CFLAR: variants seen among roughly 807,000 people sequenced by gnomAD.
The protein encoded by CFLAR is CASP8 and FADD-like apoptosis regulator.
A neutral mutation model predicts 51.1 loss-of-function variants in CFLAR; 14 were observed. That is an observed-to-expected ratio of 0.27 (90% confidence interval 0.18 to 0.43). The LOEUF is 0.43. Among genes scored for constraint, CFLAR ranks in the 20% least tolerant of loss-of-function variants. The pLI is 1.00. For synonymous variants in CFLAR, 210 were observed against 211.6 expected (o/e 0.99, Z 0.06); for missense variants, 390 against 566.5 (o/e 0.69, Z 3.16).
chr2:201,145,533 T>C, intron 6 of CFLAR, 101 bp downstream of exon 6: 1 of 774,778 alleles, frequency 1.3e-6, no homozygotes, highest in Non-Finnish European at 2.2e-6. Context: ...ATCTACATAA[T>C]CTAAGTAAGC....
chr2:201,120,028 T>C (rs1037869446), intron 1 of CFLAR, among the ~76,000 whole-genome samples: 8 of 147,418 alleles, frequency 5.4e-5, no homozygotes, highest in South Asian at 2.1e-4. Context: ...CTTTTCTTTT[T>C]TTTTTTTTTT....
intron 2 of CFLAR, 41 bp downstream of exon 2, chr2:201,130,187 G>GGGGGGGGGA: frequency 1.6e-4 from 47 of 292,366 alleles, no homozygotes; most frequent in Non-Finnish European, 2.2e-4. Context: ...GGGTGGGAGG[G>GGGGGGGGGA]AGTGAAGTGT....
At chr2:201,125,711 G>C (rs1016593722) in intron 1 of CFLAR, among the ~76,000 whole-genome samples, 1 of 152,086 alleles carries the variant, frequency 6.6e-6, no homozygotes, top group Admixed American at 6.5e-5. Context: ...TGTGGGAAAG[G>C]AGCTGAACAG....
intron 8 of CFLAR, among the ~76,000 whole-genome samples, chr2:201,156,804 C>G: frequency 6.6e-6 from 1 of 150,728 alleles, no homozygotes; most frequent in Non-Finnish European, 1.5e-5. Context: ...GTGGGATTTC[C>G]AGGGTGGGTT....
intron 8 of CFLAR, among the ~76,000 whole-genome samples, chr2:201,158,913 T>C (rs1228447856): frequency 6.6e-6 from 1 of 151,200 alleles, no homozygotes; most frequent in Non-Finnish European, 1.5e-5. Context: ...AGTTCTGCTC[T>C]GTTGCCCAGG....
chr2:201,163,140 A>G, intron 9 of CFLAR: 1 of 785,998 alleles, frequency 1.3e-6, no homozygotes, highest in Non-Finnish European at 2.1e-6. Context: ...CTGACACTGC[A>G]TGCTCTTATA....
At chr2:201,132,856 T>G in intron 2 of CFLAR, 173 bp from the exon 3 acceptor site, 1 of 507,830 alleles carries the variant, frequency 2.0e-6, no homozygotes, top group Non-Finnish European at 3.4e-6. Flanking sequence ...CTGAGGTCCC[T>G]TAAGATCTCT....
chr2:201,140,294 T>C, intron 4 of CFLAR, 63 bp from the exon 5 acceptor site: 1 of 1,578,514 alleles, frequency 6.3e-7, no homozygotes, highest in Non-Finnish European at 8.7e-7. Flanking sequence ...TGAACCACTA[T>C]TGAAGATTTA....
chr2:201,156,094 C>T (rs1436913902), intron 8 of CFLAR, among the ~76,000 whole-genome samples: 1 of 152,166 alleles, frequency 6.6e-6, no homozygotes, highest in Non-Finnish European at 1.5e-5. Context: ...GCTTCCCCAA[C>T]AAGATTATAA....
chr2:201,132,044 C>T (rs542921003), intron 2 of CFLAR, among the ~76,000 whole-genome samples: 2 of 152,122 alleles, frequency 1.3e-5, no homozygotes, highest in East Asian at 3.9e-4. Flanking sequence ...ATTCAGCCAT[C>T]AGTTTTAATG....
chr2:201,145,635 C>T (rs1316839522), intron 6 of CFLAR: 2 of 518,972 alleles, frequency 3.9e-6, no homozygotes, highest in Admixed American at 3.5e-5. Flanking sequence ...TGAACACCAT[C>T]GTACTCCATC....
intron 1 of CFLAR, among the ~76,000 whole-genome samples, chr2:201,127,960 G>A (rs1221904585): frequency 1.3e-5 from 2 of 152,102 alleles, no homozygotes; most frequent in African/African-American, 4.8e-5. Context: ...TGGTGGCATT[G>A]TTATATTGTT....
chr2:201,127,783 G>T (rs1440017943), intron 1 of CFLAR, among the ~76,000 whole-genome samples: 3 of 152,162 alleles, frequency 2.0e-5, no homozygotes, highest in Non-Finnish European at 4.4e-5. Context: ...GAGTAATCTA[G>T]ATTTTGCTGC....
rs1576043362 is a variant in CFLAR, at chr2:201,176,411, G to C, written c.*12438G>C. ...CCAACACTCTTGGTGTGTGTCGGGG[G>C]AGCCCTCTCCTGCCTTGCTCAGACC... On this transcript the variant is annotated 3_prime_UTR_variant, in exon 10 of 10. Coordinates refer to ENST00000309955, the MANE Select transcript of CFLAR (RefSeq NM_003879.7). 1 of 152,158 alleles carries C rather than the reference G, an allele frequency of 6.6e-6. No individual in the cohort carries two copies. Among genetic ancestry groups the C allele is most frequent in the South Asian group, 2.1e-4 (1 of 4,810 alleles). 9.4% of individuals were successfully genotyped at this position (152,158 alleles called of 1,614,324 possible). A position where few individuals can be genotyped will look rare whatever the true frequency, so the allele number is the denominator to read the frequency against.
At chr2:201,152,656 C>A (rs2065351499) in intron 8 of CFLAR, among the ~76,000 whole-genome samples, 1 of 152,124 alleles carries the variant, frequency 6.6e-6, no homozygotes, top group Admixed American at 6.6e-5. Context: ...TGGAATGCAT[C>A]CCCATAGACT....
Position 201,137,930 on chromosome 2 carries a change from C to T in CFLAR, c.523+1823C>T, listed in dbSNP as rs912363471. On this transcript the variant is annotated intron_variant, in intron 4 of 9. Coordinates refer to ENST00000309955, the MANE Select transcript of CFLAR (RefSeq NM_003879.7). Reference sequence around the variant, plus strand: ...TCATCACTGTGGAGGCTCCTAGGGCCAGGGCCTTGACCACATGCCCCATGG... The same window carrying T: ...TCATCACTGTGGAGGCTCCTAGGGCTAGGGCCTTGACCACATGCCCCATGG... The T allele has an allele frequency of 9.2e-6, 7 of 762,530 alleles. No individual in the cohort carries two copies. In the African/African-American group the frequency reaches 1.0e-4, roughly 11 times the overall value. 47.2% of individuals were successfully genotyped at this position (762,530 alleles called of 1,614,324 possible). A position where few individuals can be genotyped will look rare whatever the true frequency, so the allele number is the denominator to read the frequency against.
chr2:201,130,187 G>GGGGGGGGGGC, intron 2 of CFLAR, 41 bp downstream of exon 2: 1 of 292,392 alleles, frequency 3.4e-6, no homozygotes, highest in Non-Finnish European at 7.1e-6. Flanking sequence ...GGGTGGGAGG[G>GGGGGGGGGGC]AGTGAAGTGT....
In CFLAR at chr2:201,166,261, G is replaced by C. The variant is rs1365029053; in HGVS notation, c.*2288G>C. 1.4e-5 allele frequency: 2 copies of C among 143,794 alleles called. No homozygotes were observed. The highest frequency in any genetic ancestry group is 1.9e-4 in the East Asian group (1 of 5,336). 8.9% of individuals were successfully genotyped at this position (143,794 alleles called of 1,614,324 possible). On this transcript the variant is annotated 3_prime_UTR_variant, in exon 10 of 10. Coordinates refer to ENST00000309955, the MANE Select transcript of CFLAR (RefSeq NM_003879.7). ...CGGGGCGGCTGGCCGGGCGGGGGCT[G>C]ACCCCCACGCCTCCCTCCCGGACGG...
intron 5 of CFLAR, chr2:201,140,662 C>T (rs1354906333): frequency 4.5e-6 from 2 of 444,252 alleles, no homozygotes; most frequent in Non-Finnish European, 7.9e-6. Context: ...AATAAATCAC[C>T]TATATTCCAC....
Sources: allele counts gnomAD v4.1 joint callset (sites outside exome capture counted in the v4.1 genomes callset), GRCh38; gene constraint gnomAD v4.1.1; transcripts MANE v1.5; gene names NCBI Gene and HGNC (gene_info 2026-07-23, HGNC 2026-07-21).